Variants in PTGER4 observed in about 807,000 individuals in gnomAD.
The protein encoded by PTGER4 is prostaglandin E receptor 4.
In PTGER4, 11 loss-of-function variants were observed where a neutral mutation model predicts 33.2. The ratio of observed to expected loss-of-function variants is 0.33; its 90% confidence interval spans 0.21 to 0.55. PTGER4 has a LOEUF of 0.55. Among genes scored for constraint, PTGER4 ranks in the 20% least tolerant of loss-of-function variants. The pLI is 0.92. For missense variants in PTGER4, 481 were observed against 650.2 expected, an observed-to-expected ratio of 0.74 and a Z score of 2.83; for synonymous variants, 275 against 281.5, an observed-to-expected ratio of 0.98 and a Z score of 0.23.
the PTGER4 span, among the ~76,000 whole-genome samples, chr5:40,740,873 G>C: frequency 3.5e-4 from 53 of 152,142 alleles, no homozygotes; most frequent in Non-Finnish European, 5.1e-4. Context: ...ACCCAGACTA[G>C]CATAACTGTT....
chr5:40,681,238 A>G lies in PTGER4; in HGVS notation c.245A>G (p.Lys82Arg). 1 of 1,614,092 alleles carries G rather than the reference A, an allele frequency of 6.2e-7. No homozygotes were observed. Among genetic ancestry groups the G allele is most frequent in the Non-Finnish European group, 8.5e-7 (1 of 1,180,014 alleles). The change falls in exon 2 of 3, where the codon AAG becomes AGG. Residue 82 changes from lysine (K) to arginine (R), a missense_variant. Lys to Arg is a conservative substitution (Grantham distance 26). Around this residue, in one of 7 missense-constraint regions of PTGER4, gnomAD observed 61 missense variants for 145.2 expected, o/e 0.42. Coordinates refer to ENST00000302472, the MANE Select transcript of PTGER4 (RefSeq NM_000958.3). This position sits in a 1 kb window ranked among gnomAD's most constrained non-coding sequence, Gnocchi z 9.8. ...CCGGTGACCATCGCCACGTACATGA[A>G]GGGCCAATGGCCCGGGGGCCAGCCG... The part of the protein sequence containing the change: ...VSPVTIATYM[K>R]GQWPGGQPLC...
At chr5:40,684,120 A>ACCC (rs1220263752) in intron 2 of PTGER4, among the ~76,000 whole-genome samples, 25 of 19,594 alleles carry the variant, frequency 1.3e-3, no homozygotes, top group African/African-American at 4.5e-3. Flanking sequence ...TATGCCACCC[A>ACCC]CCCACCCCCC....
chr5:40,707,308 T>C, the PTGER4 span, among the ~76,000 whole-genome samples: 1 of 151,980 alleles, frequency 6.6e-6, no homozygotes, highest in Non-Finnish European at 1.5e-5. Context: ...GAGACACACA[T>C]AGGCTCAAAA....
chr5:40,738,609 A>AAAAT, the PTGER4 span, among the ~76,000 whole-genome samples: 3 of 128,290 alleles, frequency 2.3e-5, no homozygotes, highest in African/African-American at 2.7e-5. Flanking sequence ...TAAAATAAAA[A>AAAAT]AGTGAAACAA....
the PTGER4 span, among the ~76,000 whole-genome samples, chr5:40,701,018 G>A: frequency 6.7e-6 from 1 of 148,152 alleles, no homozygotes; most frequent in Admixed American, 6.7e-5. Context: ...AAAACATCCA[G>A]AAAAGAAGCC....
At chr5:40,710,511 C>A in the PTGER4 span, among the ~76,000 whole-genome samples, 4 of 152,230 alleles carry the variant, frequency 2.6e-5, no homozygotes, top group Non-Finnish European at 4.4e-5. Flanking sequence ...TTGTGGAAGA[C>A]AGTGTGGCAA....
rs1741518718 is a variant in PTGER4 at position 40,693,349 on chromosome 5, T to A, written c.*971T>A. On this transcript the variant is annotated 3_prime_UTR_variant, in exon 3 of 3. Coordinates refer to ENST00000302472, the MANE Select transcript of PTGER4 (RefSeq NM_000958.3). ...AAAAATCTAAGCAGCTTATTGTTTC[T>A]CTGAAAGTGTGTGTAGTTTTACTTT... is the stretch of plus-strand genomic sequence containing the variant. 1 of 982,834 alleles carries A rather than the reference T, an allele frequency of 1.0e-6. No individual in the cohort carries two copies. The highest frequency in any genetic ancestry group is 1.2e-6 in the Non-Finnish European group (1 of 827,330). The allele number at this position is 982,834 out of a possible 1,614,324, so 60.9% of individuals were successfully genotyped here.
At chr5:40,716,735 G>T in the PTGER4 span, among the ~76,000 whole-genome samples, 1 of 152,272 alleles carries the variant, frequency 6.6e-6, no homozygotes, top group South Asian at 2.1e-4. Context: ...CCATTAAAAT[G>T]GGAGTACTCA....
chr5:40,697,216 AAG>A (rs1741621429), downstream of PTGER4, among the ~76,000 whole-genome samples: 1 of 126,560 alleles, frequency 7.9e-6, no homozygotes, highest in South Asian at 2.6e-4. Context: ...AAGAAAGAAA[AAG>A]AAAGAAGAAA....
chr5:40,709,588 C>T, the PTGER4 span, among the ~76,000 whole-genome samples: 1 of 152,148 alleles, frequency 6.6e-6, no homozygotes, highest in South Asian at 2.1e-4. Flanking sequence ...GAATCAATAT[C>T]ATGAAAATGG....
the PTGER4 span, among the ~76,000 whole-genome samples, chr5:40,741,007 C>A: frequency 6.6e-6 from 1 of 152,078 alleles, no homozygotes; most frequent in Non-Finnish European, 1.5e-5. Flanking sequence ...AGTTGTATTA[C>A]CATTTTAATC....
At chr5:40,721,107 C>CCA in the PTGER4 span, among the ~76,000 whole-genome samples, 1 of 152,076 alleles carries the variant, frequency 6.6e-6, no homozygotes, top group Non-Finnish European at 1.5e-5. Flanking sequence ...AAGAATTGGT[C>CCA]CACACTGTGT....
downstream of PTGER4, among the ~76,000 whole-genome samples, chr5:40,697,091 A>T (rs1561134120): frequency 2.6e-5 from 2 of 76,102 alleles, no homozygotes; most frequent in Non-Finnish European, 5.3e-5. Context: ...GGAAGGAAAG[A>T]AAGAGAAAAG....
chr5:40,688,732 C>T (rs1467875299), intron 2 of PTGER4, among the ~76,000 whole-genome samples: 1 of 152,128 alleles, frequency 6.6e-6, no homozygotes, highest in Non-Finnish European at 1.5e-5. Context: ...AAGGAAGAAA[C>T]CAAGATGCTT....
chr5:40,730,835 TAAGGGAGAAAA>T, the PTGER4 span, among the ~76,000 whole-genome samples: 2 of 152,004 alleles, frequency 1.3e-5, no homozygotes, highest in Non-Finnish European at 2.9e-5. Context: ...ATGTAACAGA[TAAGGGAGAAAA>T]AAGTACATGC....
rs755468423 is a variant in PTGER4 at position 40,681,588 on chromosome 5, A to T, written c.595A>T (p.Thr199Ser). The change falls in exon 2 of 3, where the codon ACC becomes TCC. Residue 199 changes from threonine to serine, a missense_variant. Thr to Ser is a moderately conservative substitution (Grantham distance 58, BLOSUM62 1). This residue lies in a region of PTGER4 where 174 missense variants were observed against 210.5 expected (regional missense o/e 0.83). Coordinates refer to ENST00000302472, the MANE Select transcript of PTGER4 (RefSeq NM_000958.3). This position sits in a 1 kb window ranked among gnomAD's most constrained non-coding sequence, Gnocchi z 9.8. Reference protein sequence around the residue: ...AGFSSFLILATVLCNVLVCGA... With the variant: ...AGFSSFLILASVLCNVLVCGA... ...CTTCAGCTCCTTCCTCATTCTCGCC[A>T]CCGTCCTCTGCAACGTGCTTGTGTG... is the stretch of plus-strand genomic sequence containing the variant. 6.2e-7 allele frequency: 1 copy of T among 1,609,160 alleles called. No homozygotes were observed. The highest frequency in any genetic ancestry group is 1.1e-5 in the South Asian group (1 of 91,062).
At chr5:40,694,634 G>A (rs1251323806), downstream of PTGER4, among the ~76,000 whole-genome samples, 2 of 149,822 alleles carry the variant, frequency 1.3e-5, no homozygotes, top group East Asian at 3.9e-4. Flanking sequence ...CTCCTTATAA[G>A]GACACTAGTC....
chr5:40,693,495 C>A lies in PTGER4; in HGVS notation c.*1117C>A. On this transcript the variant is annotated 3_prime_UTR_variant, in exon 3 of 3. Transcript: ENST00000302472. The stretch of plus-strand genomic sequence containing the variant: ...GGTTACATTAGCCATTCATGTATGT[C>A]AGAAGTGCAGAATTGGGGCACTTAA... 1.0e-6 allele frequency: 1 copy of A among 985,930 alleles called. No homozygotes were observed. Among genetic ancestry groups the A allele is most frequent in the Non-Finnish European group, 1.2e-6 (1 of 829,902 alleles). The allele number at this position is 985,930 out of a possible 1,614,324, so 61.1% of individuals were successfully genotyped here. A position where few individuals can be genotyped will look rare whatever the true frequency, so the allele number is the denominator to read the frequency against.
the PTGER4 span, among the ~76,000 whole-genome samples, chr5:40,725,326 T>C: frequency 6.6e-6 from 1 of 152,036 alleles, no homozygotes; most frequent in Non-Finnish European, 1.5e-5. Context: ...CATCTTCCTT[T>C]TGTCTGGAAA....
Sources: allele counts gnomAD v4.1 joint callset (sites outside exome capture counted in the v4.1 genomes callset), GRCh38; gene constraint gnomAD v4.1.1; regional missense constraint gnomAD v4.1.1; non-coding constraint Gnocchi (gnomAD v3.1); transcripts MANE v1.5; gene names NCBI Gene and HGNC (gene_info 2026-07-23, HGNC 2026-07-21).